SLC24A2: variants seen among roughly 807,000 people sequenced by gnomAD.
SLC24A2 encodes the protein solute carrier family 24 member 2.
SLC24A2 carries 36 observed loss-of-function variants against 62.0 expected under a neutral mutation model. That is an observed-to-expected ratio of 0.58 (90% confidence interval 0.44 to 0.77). SLC24A2 has a LOEUF of 0.77. Among genes scored for constraint, SLC24A2 ranks in the 30% least tolerant of loss-of-function variants. The pLI is 0.00. For synonymous variants in SLC24A2, 358 were observed against 294.0 expected, an observed-to-expected ratio of 1.22 and a Z score of -2.23; for missense variants, 846 against 817.9, an observed-to-expected ratio of 1.03 and a Z score of -0.42.
the SLC24A2 span, among the ~76,000 whole-genome samples, chr9:20,164,145 A>C: frequency 2.0e-5 from 3 of 152,206 alleles, no homozygotes; most frequent in Non-Finnish European, 1.5e-5. Flanking sequence ...ATCTCATTAA[A>C]CTAAAGACCT....
chr9:20,293,675 C>T, the SLC24A2 span, among the ~76,000 whole-genome samples: 1 of 152,204 alleles, frequency 6.6e-6, no homozygotes, highest in Non-Finnish European at 1.5e-5. Flanking sequence ...CAAGTATTAT[C>T]TTTGCTCATC....
At chr9:19,899,122 G>A in the SLC24A2 span, among the ~76,000 whole-genome samples, 1 of 152,174 alleles carries the variant, frequency 6.6e-6, no homozygotes, top group African/African-American at 2.4e-5. Flanking sequence ...AGTTCATGCT[G>A]TTGTGTTCTC....
the SLC24A2 span, among the ~76,000 whole-genome samples, chr9:20,290,726 A>G: frequency 6.6e-6 from 1 of 152,246 alleles, no homozygotes; most frequent in East Asian, 1.9e-4. Context: ...GCTACCATGG[A>G]AATACAATCT....
At chr9:19,839,125 A>C in the SLC24A2 span, among the ~76,000 whole-genome samples, 1 of 152,240 alleles carries the variant, frequency 6.6e-6, no homozygotes, top group Admixed American at 6.5e-5. Context: ...ATGCAGCCAA[A>C]AAACACATGA....
the SLC24A2 span, among the ~76,000 whole-genome samples, chr9:20,066,582 C>T: frequency 6.6e-6 from 1 of 152,206 alleles, no homozygotes; most frequent in Non-Finnish European, 1.5e-5. Flanking sequence ...TGTCCATCTG[C>T]ACAGCCCAGC....
At chr9:19,965,604 T>C in the SLC24A2 span, among the ~76,000 whole-genome samples, 3 of 152,198 alleles carry the variant, frequency 2.0e-5, no homozygotes, top group Admixed American at 6.5e-5. Context: ...TTCAGTGAAA[T>C]TGATTTAACC....
chr9:20,282,806 A>T, the SLC24A2 span, among the ~76,000 whole-genome samples: 1 of 152,190 alleles, frequency 6.6e-6, no homozygotes, highest in Admixed American at 6.5e-5. Flanking sequence ...CAGTTAATAC[A>T]CTGTAATATT....
the SLC24A2 span, among the ~76,000 whole-genome samples, chr9:20,289,764 C>G: frequency 3.9e-5 from 6 of 152,146 alleles, no homozygotes; most frequent in Admixed American, 1.3e-4. Flanking sequence ...ATGCCTCCTC[C>G]TGTTATATCA....
the SLC24A2 span, among the ~76,000 whole-genome samples, chr9:19,875,409 G>T: frequency 1.3e-5 from 2 of 152,146 alleles, no homozygotes; most frequent in Admixed American, 1.3e-4. Flanking sequence ...CAAGATGGTT[G>T]GCAGAGTCTC....
chr9:20,054,420 G>A, the SLC24A2 span, among the ~76,000 whole-genome samples: 10 of 152,182 alleles, frequency 6.6e-5, no homozygotes, highest in Admixed American at 5.2e-4. Context: ...TCAAACTCCC[G>A]ACCTCAAGTG....
chr9:19,556,163 G>C lies in SLC24A2; in HGVS notation c.1348-5895C>G, dbSNP rs1219060296. Reference sequence around the variant, plus strand: ...GCCTTTATTTTTATCTGGTAAATGGGAGGTACAGCAGTAGCTGGTCCAGAT... The same window carrying C: ...GCCTTTATTTTTATCTGGTAAATGGCAGGTACAGCAGTAGCTGGTCCAGAT... On this transcript the variant is annotated intron_variant, in intron 7 of 10. Coordinates refer to ENST00000341998, the MANE Select transcript of SLC24A2 (RefSeq NM_020344.4). 3.3e-5 allele frequency among the ~76,000 whole-genome samples: 5 copies of C among 152,138 alleles called. No homozygotes were observed. The East Asian group carries it at 7.7e-4, about 23-fold the overall frequency.
the SLC24A2 span, among the ~76,000 whole-genome samples, chr9:19,832,189 G>A: frequency 6.6e-6 from 1 of 152,222 alleles, no homozygotes; most frequent in African/African-American, 2.4e-5. Context: ...CCAGATTTTG[G>A]TCTGGTGAGC....
rs1835898342 is a variant in SLC24A2 at position 19,573,390 on chromosome 9, A to G, written c.1308T>C (p.Asn436=). 2.5e-6 allele frequency: 4 copies of G among 1,613,580 alleles called. No individual in the cohort carries two copies. The African/African-American group carries it at 4.0e-5, about 16-fold the overall frequency. ...CTTCAATGTTGTGGGAGAGATTTCC[A>G]TTTTGTACAGGTTCTGAAGCATCAC... ...PSSDASEPVQ[N]GNLSHNIEGA... is the part of the protein sequence containing the mutation. The change falls in exon 7 of 11, where the codon AAT becomes AAC. Residue 436 remains asparagine, a synonymous_variant. Transcript: ENST00000341998.
At chr9:19,585,240 A>G (rs1346143031) in intron 5 of SLC24A2, among the ~76,000 whole-genome samples, 1 of 152,224 alleles carries the variant, frequency 6.6e-6, no homozygotes, top group Non-Finnish European at 1.5e-5. Flanking sequence ...GTATTCAATT[A>G]TTTATTTACA....
the SLC24A2 span, among the ~76,000 whole-genome samples, chr9:19,883,537 TCTC>T: frequency 4.6e-5 from 7 of 151,618 alleles, no homozygotes; most frequent in African/African-American, 1.7e-4. Flanking sequence ...GGGGGCTCAG[TCTC>T]CTCATCTGTA....
chr9:19,667,009 T>C (rs1819273263), intron 2 of SLC24A2, among the ~76,000 whole-genome samples: 1 of 152,210 alleles, frequency 6.6e-6, no homozygotes, highest in African/African-American at 2.4e-5. Flanking sequence ...CAGGTACTTT[T>C]AATATTTGTA....
chr9:19,601,710 C>CAT (rs1836845832), intron 4 of SLC24A2, among the ~76,000 whole-genome samples: 1 of 151,952 alleles, frequency 6.6e-6, no homozygotes, highest in Non-Finnish European at 1.5e-5. Context: ...ATGAGGGTTG[C>CAT]ATATATAGTT....
At chr9:20,195,209 G>T in the SLC24A2 span, among the ~76,000 whole-genome samples, 1 of 152,100 alleles carries the variant, frequency 6.6e-6, no homozygotes, top group South Asian at 2.1e-4. Flanking sequence ...CCAGTTAGGG[G>T]AAATTATAAA....
chr9:19,869,536 A>C, the SLC24A2 span, among the ~76,000 whole-genome samples: 5 of 152,110 alleles, frequency 3.3e-5, no homozygotes, highest in Non-Finnish European at 7.4e-5. Context: ...GTAACATTTT[A>C]ATTCCTTTGT....
Sources: gnomAD v4.1 joint callset for allele counts (sites outside exome capture counted in the v4.1 genomes callset) on GRCh38, gnomAD v4.1.1 for gene constraint, MANE v1.5 for transcripts, NCBI Gene and HGNC (gene_info 2026-07-23, HGNC 2026-07-21) for gene names.